The following CFAP43 variants were observed in gnomAD, a reference collection of about 807,000 sequenced individuals.
The protein encoded by CFAP43 is cilia and flagella associated protein 43, also known as cilia- and flagella-associated protein 43.
Under a neutral mutation model 218.9 loss-of-function variants are expected in CFAP43, and 155 were observed. That is an observed-to-expected ratio of 0.71 (90% CI 0.62 to 0.81). The LOEUF (loss-of-function observed/expected upper bound fraction) is 0.81. Ranked by LOEUF, CFAP43 falls within the 30% of genes least tolerant of loss-of-function variation. The pLI, the probability that CFAP43 is intolerant of heterozygous loss-of-function variation, is 0.00. For missense variants in CFAP43, 1,778 were observed against 1,954.3 expected, an observed-to-expected ratio of 0.91 and a Z score of 1.70; for synonymous variants, 645 against 681.3, an observed-to-expected ratio of 0.95 and a Z score of 0.83.
At chr10:104,194,108 G>T (rs1025134971) in intron 10 of CFAP43, 94 bp from the exon 11 acceptor site, 3 of 1,456,766 alleles carry the variant, frequency 2.1e-6, no homozygotes, top group Non-Finnish European at 2.8e-6. Flanking sequence ...AAGCCTGCAG[G>T]ATGAGAAAAG....
chr10:104,182,476 A>G lies in CFAP43; in HGVS notation c.2179T>C (p.Tyr727His). ...AGGGAAATTAATAGTTTCTGGTAAT[A>G]GTCCAGAATTTCACTGGCTAGGTGT... ...GGHLASEILD[Y>H]YQKLLISLSS... Residue 727 changes from tyrosine to histidine, a missense_variant, in exon 17 of 38, where the codon TAT (tyrosine) becomes CAT (histidine). Around this residue, in one of 3 missense-constraint regions of CFAP43, gnomAD observed 1,553 missense variants for 1,685.2 expected, o/e 0.92. Transcript: ENST00000357060. 1.2e-6 allele frequency: 2 copies of G among 1,611,996 alleles called. No individual in the cohort carries two copies. The highest frequency in any genetic ancestry group is 1.7e-6 in the Non-Finnish European group (2 of 1,179,352).
chr10:104,221,393 A>G (rs1442139407), intron 3 of CFAP43, among the ~76,000 whole-genome samples: 1 of 152,036 alleles, frequency 6.6e-6, no homozygotes, highest in Non-Finnish European at 1.5e-5. Flanking sequence ...GGGTATTGGG[A>G]CTTTTGGGGA....
At chr10:104,131,280 A>T (rs370906183) in intron 37 of CFAP43, 51 bp downstream of exon 37, 3 of 1,574,854 alleles carry the variant, frequency 1.9e-6, no homozygotes, top group African/African-American at 2.8e-5. Context: ...AGGATTACTG[A>T]TTACTTTTAA....
At chr10:104,190,448 G>A (rs925212969) in intron 12 of CFAP43, among the ~76,000 whole-genome samples, 22 of 152,210 alleles carry the variant, frequency 1.4e-4, no homozygotes, top group African/African-American at 5.1e-4. Flanking sequence ...TACCTCTTTT[G>A]CCTTATTAAG....
intron 27 of CFAP43, among the ~76,000 whole-genome samples, chr10:104,158,950 A>G (rs1189341117): frequency 6.6e-6 from 1 of 152,146 alleles, no homozygotes; most frequent in Non-Finnish European, 1.5e-5. Flanking sequence ...GTACAAATAT[A>G]TGGTATATAG....
At chr10:104,158,985 T>C (rs1284054874) in intron 27 of CFAP43, among the ~76,000 whole-genome samples, 2 of 152,176 alleles carry the variant, frequency 1.3e-5, no homozygotes, top group East Asian at 3.8e-4. Flanking sequence ...GTAACATTTA[T>C]GTACATTTGA....
intron 16 of CFAP43, among the ~76,000 whole-genome samples, chr10:104,184,193 C>T (rs573029876): frequency 6.6e-6 from 1 of 152,242 alleles, no homozygotes; most frequent in Admixed American, 6.5e-5. Flanking sequence ...TTCCTCCTAA[C>T]CATGGGAGGA....
chr10:104,176,077 G>A (rs1258175527), intron 19 of CFAP43, among the ~76,000 whole-genome samples: 1 of 151,988 alleles, frequency 6.6e-6, no homozygotes, highest in Non-Finnish European at 1.5e-5. Flanking sequence ...TTTTAAAGAA[G>A]GGCAAAAGGA....
chr10:104,175,975 A>T (rs551114016), intron 19 of CFAP43, among the ~76,000 whole-genome samples: 2 of 152,352 alleles, frequency 1.3e-5, no homozygotes, highest in South Asian at 4.1e-4. Context: ...ATATATTCTC[A>T]ATCAAAATCA....
chr10:104,168,630 C>A (rs1253848728), intron 21 of CFAP43, 114 bp downstream of exon 21: 1 of 789,170 alleles, frequency 1.3e-6, no homozygotes, highest in Non-Finnish European at 2.1e-6. Flanking sequence ...AAGGGGCAAG[C>A]CATGCTCTCA....
Position 104,143,570 on chromosome 10 carries a change from G to C in CFAP43, c.4014C>G (p.Gly1338=). The change falls in exon 32 of 38, where the codon GGC becomes GGG. Residue 1338 remains glycine (G), a synonymous_variant. Coordinates refer to ENST00000357060, the MANE Select transcript of CFAP43 (RefSeq NM_025145.7). ...VVPFGELPGS[G]KLNKDAFAQL... ...GGGCAAAGGCATCCTTATTCAACTTGCCAGATCCTGGTAGTTCTCCGAAAG... is the reference window on the plus strand; with the variant it reads ...GGGCAAAGGCATCCTTATTCAACTTCCCAGATCCTGGTAGTTCTCCGAAAG... 6.2e-7 allele frequency: 1 copy of C among 1,614,150 alleles called. No individual in the cohort carries two copies. The highest frequency in any genetic ancestry group is 8.5e-7 in the Non-Finnish European group (1 of 1,180,026).
Position 104,147,894 on chromosome 10 carries a change from C to A in CFAP43, c.3765G>T (p.Glu1255Asp). Residue 1255 changes from glutamate (E) to aspartate (D), a missense_variant, in exon 29 of 38, where the codon GAG (glutamate) becomes GAT (aspartate). By Grantham distance (45) the Glu-to-Asp change is conservative. Around this residue, in one of 3 missense-constraint regions of CFAP43, gnomAD observed 1,553 missense variants for 1,685.2 expected, o/e 0.92. Coordinates refer to ENST00000357060, the MANE Select transcript of CFAP43 (RefSeq NM_025145.7). ...AGATTTCAGACACTATTCTTACTTT[C>A]TCGTGCTGTTTCCTTGTAAGGTAGT... ...LNNYLTRKQH[E>D]KSQTSEAVRK... The A allele has an allele frequency of 1.3e-6, 2 of 1,585,480 alleles. No homozygotes were observed. The highest frequency in any genetic ancestry group is 2.3e-5 in the South Asian group (2 of 86,930).
rs1169955208 is a variant in CFAP43, at chr10:104,148,001, G to T, written c.3661-3C>A. 1 of 1,551,432 alleles carries T rather than the reference G, an allele frequency of 6.4e-7. No individual in the cohort carries two copies. The highest frequency in any genetic ancestry group is 8.7e-7 in the Non-Finnish European group (1 of 1,145,164). On this transcript the variant is annotated splice_polypyrimidine_tract_variant and splice_region_variant and intron_variant, in intron 28 of 37. Transcript: ENST00000357060. ...AGGTTACTTATTTTCAGTTCCTCCT[G>T]TAGAAATATTTAAGAAAAAGGTTGG... is the stretch of plus-strand genomic sequence containing the variant.
At position 104,188,294 on chromosome 10, in the gene CFAP43, T is replaced by C. The variant is rs34385615; in HGVS notation, c.1663A>G (p.Thr555Ala). 4.0e-5 allele frequency: 64 copies of C among 1,614,138 alleles called. 1 individual carries two copies. The African/African-American group carries it at 7.3e-4, about 18-fold the overall frequency. The change falls in exon 13 of 38, where the codon ACA becomes GCA. Residue 555 changes from threonine to alanine, a missense_variant. By Grantham distance (58) the Thr-to-Ala change is moderately conservative. Transcript: ENST00000357060. ...EAGRSRLEMF[T>A]LPTLLPQVST... ...CCTTGTGGCAGTAATGTAGGCAGTG[T>C]GAACATCTCCAACCTGCTTCTCCCT...
chr10:104,141,134 A>G (rs1227870069), intron 33 of CFAP43, 133 bp from the exon 34 acceptor site: 2 of 932,322 alleles, frequency 2.1e-6, no homozygotes, highest in Non-Finnish European at 3.2e-6. Flanking sequence ...TTTCCTGATG[A>G]TGAGCTTTCC....
chr10:104,168,202 C>T (rs1286339749), intron 21 of CFAP43, among the ~76,000 whole-genome samples: 4 of 152,140 alleles, frequency 2.6e-5, no homozygotes, highest in African/African-American at 9.7e-5. Context: ...CAATATCCAT[C>T]ACATAAAATG....
intron 3 of CFAP43, chr10:104,218,789 G>A (rs546197094): frequency 3.3e-5 from 18 of 549,856 alleles, no homozygotes; most frequent in South Asian, 2.5e-4. Context: ...GGTGGTTTAG[G>A]GTTCCTCTGC....
chr10:104,182,956 C>G (rs984523566), intron 16 of CFAP43, among the ~76,000 whole-genome samples: 1 of 152,100 alleles, frequency 6.6e-6, no homozygotes, highest in Non-Finnish European at 1.5e-5. Flanking sequence ...AGGGTACCCT[C>G]TCCTCACACT....
chr10:104,220,044 AG>A (rs1157136258), intron 3 of CFAP43, among the ~76,000 whole-genome samples: 1 of 152,236 alleles, frequency 6.6e-6, no homozygotes, highest in Non-Finnish European at 1.5e-5. Context: ...TGAAGTCATT[AG>A]GATGGGCCCT....
Sources: gnomAD v4.1 joint callset for allele counts (sites outside exome capture counted in the v4.1 genomes callset) on GRCh38, gnomAD v4.1.1 for gene constraint, gnomAD v4.1.1 regional missense constraint, MANE v1.5 for transcripts, NCBI Gene and HGNC (gene_info 2026-07-23, HGNC 2026-07-21) for gene names.